CCDC116: variants seen among roughly 807,000 people sequenced by gnomAD.
CCDC116 encodes coiled-coil domain containing 116.
CCDC116 carries 24 observed loss-of-function variants against 29.4 expected under a neutral mutation model. The ratio of observed to expected loss-of-function variants is 0.82; its 90% CI spans 0.59 to 1.15. CCDC116 has a LOEUF of 1.15. Among genes scored for constraint, CCDC116 ranks in the 50% most tolerant of loss-of-function variants. The pLI is 0.00. For synonymous variants in CCDC116, 298 were observed against 331.4 expected (o/e 0.90, Z 1.10); for missense variants, 791 against 804.0 (o/e 0.98, Z 0.20).
At chr22:21,635,299 C>A (rs769409397) in intron 4 of CCDC116, 33 bp downstream of exon 4, 40 of 1,538,316 alleles carry the variant, frequency 2.6e-5, no homozygotes, top group Middle Eastern at 1.7e-4. Context: ...ATGTCCCCAG[C>A]CCCTCACTCC....
rs113567044 is a variant in CCDC116, at chr22:21,636,777, T to A, written c.1549T>A (p.Ser517Thr). 2.8e-5 allele frequency: 45 copies of A among 1,612,518 alleles called. 2 individuals are homozygous for A. In the African/African-American group the frequency reaches 3.6e-4, roughly 13 times the overall value. ...RARQASRLST[S>T]HCSTETPSVQ... The stretch of plus-strand genomic sequence containing the variant: ...CCGGCAGGCCTCCCGGCTCAGCACC[T>A]CCCACTGCAGCACAGAGACACCCTC... The change falls in exon 5 of 5, where the codon TCC (serine) becomes ACC (threonine). Residue 517 changes from serine to threonine, a missense_variant. Transcript: ENST00000292779.
In CCDC116 at chr22:21,637,169, GCT is replaced by G. The variant is rs2066040531; in HGVS notation, c.*102_*103del. The G allele has an allele frequency of 2.8e-6, 4 of 1,451,912 alleles. No homozygotes were observed. Among genetic ancestry groups the G allele is most frequent in the Non-Finnish European group, 3.6e-6 (4 of 1,102,854 alleles). The allele number at this position is 1,451,912 out of a possible 1,614,324, so 89.9% of individuals were successfully genotyped here. On this transcript the variant is annotated 3_prime_UTR_variant, in exon 5 of 5. Transcript: ENST00000292779. ...GTCCCCACTAGCCACTCGATTCCCTGCTCTGTCAGAGTTGCTGCACATCACAC... is the reference window on the plus strand; with the variant it reads ...GTCCCCACTAGCCACTCGATTCCCTGCTGTCAGAGTTGCTGCACATCACAC...
chr22:21,635,137 T>A lies in CCDC116; in HGVS notation c.1074T>A (p.Asn358Lys), dbSNP rs1930738990. The change falls in exon 4 of 5, where the codon AAT (asparagine) becomes AAA (lysine). Residue 358 changes from asparagine to lysine, a missense_variant. Physicochemically the swap from Asn to Lys is moderately conservative, Grantham distance 94 (BLOSUM62 0). Transcript: ENST00000292779. ...PLGSEPAKPTNGGQPYASPRP... is the reference protein window; with the variant it reads ...PLGSEPAKPTKGGQPYASPRP... The stretch of plus-strand genomic sequence containing the variant: ...GCTCTGAGCCAGCTAAACCCACCAA[T>A]GGCGGGCAGCCCTATGCTTCCCCCC... 8.1e-6 allele frequency: 13 copies of A among 1,604,232 alleles called. No homozygotes were observed. Among genetic ancestry groups the A allele is most frequent in the Non-Finnish European group, 1.1e-5 (13 of 1,179,918 alleles).
At chr22:21,635,561 T>C (rs1157710230) in intron 4 of CCDC116, 2 of 703,076 alleles carry the variant, frequency 2.8e-6, no homozygotes, top group South Asian at 1.5e-5. Context: ...ATCTCCCGCC[T>C]CACTGTGTCC....
intron 4 of CCDC116, 63 bp downstream of exon 4, chr22:21,635,329 T>C (rs1204348944): frequency 5.8e-6 from 8 of 1,383,858 alleles, no homozygotes; most frequent in Non-Finnish European, 8.0e-6. Flanking sequence ...AGGAGGCACC[T>C]GACTCAGATC....
chr22:21,637,229 C>T lies in CCDC116; in HGVS notation c.*159C>T. ...TGCCAAGAGCAGGAGTCACCACAGG[C>T]TGAATGCCCACGAGGAGCTCTGCTG... On this transcript the variant is annotated 3_prime_UTR_variant, in exon 5 of 5. Coordinates refer to ENST00000292779, the MANE Select transcript of CCDC116 (RefSeq NM_152612.3). 9.1e-7 allele frequency: 1 copy of T among 1,099,284 alleles called. No individual in the cohort carries two copies. Among genetic ancestry groups the T allele is most frequent in the Non-Finnish European group, 1.2e-6 (1 of 801,056 alleles). 68.1% of individuals were successfully genotyped at this position (1,099,284 alleles called of 1,614,324 possible).
rs572518112 is a variant in CCDC116 at position 21,633,260 on chromosome 22, G to A, written c.72+7G>A. ...CTCCATGTGCAGTGCACGGGTAAGT[G>A]TGCCCAGCAGGGCGCCGACCCTTGA... On this transcript the variant is annotated splice_region_variant and intron_variant, in intron 2 of 4. Coordinates refer to ENST00000292779, the MANE Select transcript of CCDC116 (RefSeq NM_152612.3). 5.2e-6 allele frequency: 8 copies of A among 1,541,286 alleles called. No homozygotes were observed. The South Asian group carries it at 7.2e-5, about 14-fold the overall frequency.
intron 4 of CCDC116, chr22:21,635,491 C>A (rs1297374605): frequency 1.4e-6 from 1 of 703,220 alleles, no homozygotes; most frequent in African/African-American, 1.7e-5. Context: ...CTCCACTTTC[C>A]TCCCCCTACC....
Position 21,634,919 on chromosome 22 carries a change from C to T in CCDC116, c.856C>T (p.Leu286Phe). ...IKSLLSQLES[L>F]DLPGYCPLRE... ...GTCATTACTGAGCCAGCTGGAGTCC[C>T]TCGACCTGCCTGGCTACTGTCCGCT... The change falls in exon 4 of 5, where the codon CTC (leucine) becomes TTC (phenylalanine). Residue 286 changes from leucine to phenylalanine, a missense_variant. By Grantham distance (22) the Leu-to-Phe change is conservative. Coordinates refer to ENST00000292779, the MANE Select transcript of CCDC116 (RefSeq NM_152612.3). The T allele has an allele frequency of 3.1e-6, 5 of 1,613,986 alleles. No individual in the cohort carries two copies. The Admixed American group carries it at 8.3e-5, about 27-fold the overall frequency.
intron 4 of CCDC116, chr22:21,635,938 C>T (rs1287852528): frequency 2.1e-5 from 8 of 387,148 alleles, no homozygotes; most frequent in African/African-American, 6.2e-5. Flanking sequence ...CCAGCTGCCT[C>T]GAGCAGGACT....
rs760362089 is a variant in CCDC116 at position 21,634,161 on chromosome 22, G to A, written c.212G>A (p.Gly71Asp). The change falls in exon 3 of 5, where the codon GGC becomes GAC. Residue 71 changes from glycine (G) to aspartate (D), a missense_variant. By Grantham distance (94) the Gly-to-Asp change is moderately conservative (BLOSUM62 -1). Coordinates refer to ENST00000292779, the MANE Select transcript of CCDC116 (RefSeq NM_152612.3). ...RRNKRHPQPFGHFLDFLTESQ... is the reference protein window; with the variant it reads ...RRNKRHPQPFDHFLDFLTESQ... ...AACAAGAGGCACCCTCAGCCCTTTG[G>A]CCACTTTCTGGATTTCCTAACTGAG... 3 of 1,614,260 alleles carry A rather than the reference G, an allele frequency of 1.9e-6. No individual in the cohort carries two copies. Among genetic ancestry groups the A allele is most frequent in the Admixed American group, 3.3e-5 (2 of 60,028 alleles).
At chr22:21,633,287 G>A (rs376668948) in intron 2 of CCDC116, 34 bp downstream of exon 2, 10 of 1,502,278 alleles carry the variant, frequency 6.7e-6, no homozygotes, top group South Asian at 1.2e-5. Flanking sequence ...GACCCTTGAG[G>A]CCACAACATG....
chr22:21,637,301 T>C lies in CCDC116; in HGVS notation c.*231T>C. On this transcript the variant is annotated 3_prime_UTR_variant, in exon 5 of 5. Coordinates refer to ENST00000292779, the MANE Select transcript of CCDC116 (RefSeq NM_152612.3). ...AAAGAAATAGAAATAAAGCCTGTGT[T>C]GCTGGGACACAGGTTTGCTGTCCTG... 1 of 455,196 alleles carries C rather than the reference T, an allele frequency of 2.2e-6. No homozygotes were observed. Among genetic ancestry groups the C allele is most frequent in the Non-Finnish European group, 3.7e-6 (1 of 266,810 alleles). The allele number at this position is 455,196 out of a possible 1,614,324, so 28.2% of individuals were successfully genotyped here.
In CCDC116 at chr22:21,635,251, C is replaced by T. The variant is rs373703574; in HGVS notation, c.1188C>T (p.Thr396=). Residue 396 remains threonine, a synonymous_variant, in exon 4 of 5, where the codon ACC becomes ACT. Coordinates refer to ENST00000292779, the MANE Select transcript of CCDC116 (RefSeq NM_152612.3). ...CCATGTCTAGTGCCCAGGTGGCCAC[C>T]AGATTCAAACTCAAGGTGACACCCA... ...SPSMSSAQVA[T]RFKLKSPCSS... 20 of 1,598,928 alleles carry T rather than the reference C, an allele frequency of 1.3e-5. No individual in the cohort carries two copies. In the African/African-American group the frequency reaches 2.4e-4, roughly 19 times the overall value.
intron 4 of CCDC116, chr22:21,635,559 CCTCA>C (rs756149547): frequency 1.4e-6 from 1 of 703,100 alleles, no homozygotes; most frequent in Non-Finnish European, 2.6e-6. Context: ...TCATCTCCCG[CCTCA>C]CTGTGTCCAG....
rs1342883104 is a variant in CCDC116 at position 21,635,229 on chromosome 22, T to C, written c.1166T>C (p.Met389Thr). The C allele has an allele frequency of 6.3e-7, 1 of 1,599,524 alleles. No individual in the cohort carries two copies. The highest frequency in any genetic ancestry group is 1.3e-5 in the African/African-American group (1 of 74,916). ...AAGGACAGAGGAGGCTCCCCCTCCA[T>C]GTCTAGTGCCCAGGTGGCCACCAGA... is the stretch of plus-strand genomic sequence containing the variant. ...KRKDRGGSPS[M>T]SSAQVATRFK... The change falls in exon 4 of 5, where the codon ATG becomes ACG. Residue 389 changes from methionine (M) to threonine (T), a missense_variant. Physicochemically the swap from Met to Thr is moderately conservative, Grantham distance 81. Coordinates refer to ENST00000292779, the MANE Select transcript of CCDC116 (RefSeq NM_152612.3).
Position 21,635,259 on chromosome 22 carries a change from A to G in CCDC116, c.1196A>G (p.Lys399Arg). ...MSSAQVATRFKLKSPCSSSRF... is the reference protein window; with the variant it reads ...MSSAQVATRFRLKSPCSSSRF... Reference sequence around the variant, plus strand: ...AGTGCCCAGGTGGCCACCAGATTCAAACTCAAGGTGACACCCACGGAGAAG... The same window carrying G: ...AGTGCCCAGGTGGCCACCAGATTCAGACTCAAGGTGACACCCACGGAGAAG... The change falls in exon 4 of 5, where the codon AAA becomes AGA. Residue 399 changes from lysine to arginine, a missense_variant. Lys to Arg is a conservative substitution (Grantham distance 26). Transcript: ENST00000292779. The G allele has an allele frequency of 6.3e-7, 1 of 1,598,590 alleles. No individual in the cohort carries two copies. The highest frequency in any genetic ancestry group is 8.5e-7 in the Non-Finnish European group (1 of 1,179,528).
chr22:21,637,013 T>C lies in CCDC116; in HGVS notation c.1785T>C (p.Asp595=). Residue 595 remains aspartate (D), a synonymous_variant, in exon 5 of 5, where the codon GAT becomes GAC. Coordinates refer to ENST00000292779, the MANE Select transcript of CCDC116 (RefSeq NM_152612.3). ...GRDKAEIEDE[D]EDEFKDEDQD... Reference sequence around the variant, plus strand: ...ATAAAGCCGAGATTGAAGATGAAGATGAGGATGAGTTCAAGGATGAAGACC... The same window carrying C: ...ATAAAGCCGAGATTGAAGATGAAGACGAGGATGAGTTCAAGGATGAAGACC... 2 of 1,613,252 alleles carry C rather than the reference T, an allele frequency of 1.2e-6. No individual in the cohort carries two copies. The highest frequency in any genetic ancestry group is 1.7e-6 in the Non-Finnish European group (2 of 1,179,970).
Position 21,634,397 on chromosome 22 carries a change from T to C in CCDC116, c.448T>C (p.Tyr150His), listed in dbSNP as rs1329815695. The C allele has an allele frequency of 6.2e-7, 1 of 1,613,932 alleles. No homozygotes were observed. Among genetic ancestry groups the C allele is most frequent in the Non-Finnish European group, 8.5e-7 (1 of 1,180,000 alleles). ...PTLCTGHPNN[Y>H]PSSSSSMSNC... Reference sequence around the variant, plus strand: ...CCTCTGCACTGGACACCCCAACAACTACCCATCCAGCTCCAGCTCCATGTC... The same window carrying C: ...CCTCTGCACTGGACACCCCAACAACCACCCATCCAGCTCCAGCTCCATGTC... Residue 150 changes from tyrosine (Y) to histidine (H), a missense_variant, in exon 3 of 5, where the codon TAC (tyrosine) becomes CAC (histidine). Transcript: ENST00000292779.
Sources: gnomAD v4.1 joint callset for allele counts on GRCh38, gnomAD v4.1.1 for gene constraint, MANE v1.5 for transcripts, NCBI Gene and HGNC (gene_info 2026-07-23, HGNC 2026-07-21) for gene names.